Variants in RUNDC3B observed in about 807,000 individuals in gnomAD.
RUNDC3B encodes the protein RUN domain-containing protein 3B.
Under a neutral mutation model 58.4 loss-of-function variants are expected in RUNDC3B, and 33 were observed. That is an observed-to-expected ratio of 0.56 (90% CI 0.43 to 0.75). The LOEUF (loss-of-function observed/expected upper bound fraction) is 0.75, where lower values mean the gene tolerates loss of function less well. RUNDC3B is among the 30% of genes least tolerant of loss of function. The pLI, the probability that RUNDC3B is intolerant of heterozygous loss-of-function variation, is 0.00. For synonymous variants in RUNDC3B, 193 were observed against 195.2 expected (o/e 0.99, Z 0.10); for missense variants, 501 against 535.7 (o/e 0.94, Z 0.64).
intron 8 of RUNDC3B, among the ~76,000 whole-genome samples, chr7:87,787,628 G>T (rs1835292496): frequency 6.6e-6 from 1 of 152,076 alleles, no homozygotes. Context: ...TTCTAAAGCT[G>T]TCTTGAAAAT....
intron 8 of RUNDC3B, among the ~76,000 whole-genome samples, chr7:87,802,087 T>G (rs927951247): frequency 6.6e-6 from 1 of 152,224 alleles, no homozygotes; most frequent in African/African-American, 2.4e-5. Flanking sequence ...TATTGCTCTG[T>G]ACTTAGTCAA....
intron 8 of RUNDC3B, among the ~76,000 whole-genome samples, chr7:87,789,266 G>A (rs1225800699): frequency 2.0e-5 from 3 of 152,172 alleles, no homozygotes; most frequent in Non-Finnish European, 2.9e-5. Flanking sequence ...AAAGATTATG[G>A]CAACAGTAAC....
chr7:87,725,611 T>G (rs1346048967), intron 4 of RUNDC3B, among the ~76,000 whole-genome samples: 1 of 152,226 alleles, frequency 6.6e-6, no homozygotes, highest in East Asian at 1.9e-4. Flanking sequence ...TACCCAGTAA[T>G]GGGATGGCTG....
intron 6 of RUNDC3B, among the ~76,000 whole-genome samples, chr7:87,764,998 G>C (rs1476918338): frequency 6.6e-6 from 1 of 151,600 alleles, no homozygotes; most frequent in East Asian, 1.9e-4. Context: ...TTATTGGTCT[G>C]TTCAGGATTT....
At chr7:87,723,139 A>G (rs1310383680) in intron 4 of RUNDC3B, among the ~76,000 whole-genome samples, 2 of 152,232 alleles carry the variant, frequency 1.3e-5, no homozygotes, top group African/African-American at 4.8e-5. Context: ...TCAGCTAAAC[A>G]GTAAAATTAA....
chr7:87,797,530 G>T (rs1240401145), intron 8 of RUNDC3B, among the ~76,000 whole-genome samples: 1 of 152,192 alleles, frequency 6.6e-6, no homozygotes, highest in African/African-American at 2.4e-5. Flanking sequence ...GTTCCTGTCA[G>T]CCTTTCACTT....
intron 3 of RUNDC3B, among the ~76,000 whole-genome samples, chr7:87,703,896 T>TGG: frequency 1.8e-5 from 2 of 111,980 alleles, no homozygotes; most frequent in Non-Finnish European, 3.8e-5. Context: ...TTTTTTTTTT[T>TGG]TTTTTTTTTT....
intron 2 of RUNDC3B, among the ~76,000 whole-genome samples, chr7:87,656,244 T>C (rs1438508274): frequency 6.6e-6 from 1 of 151,992 alleles, no homozygotes; most frequent in Non-Finnish European, 1.5e-5. Flanking sequence ...CAATTTGTAT[T>C]TGTCAATTTA....
chr7:87,780,970 T>G (rs893173793), intron 8 of RUNDC3B, among the ~76,000 whole-genome samples: 6 of 152,064 alleles, frequency 3.9e-5, no homozygotes, highest in African/African-American at 1.2e-4. Flanking sequence ...GCTATTTTGG[T>G]TCCATATTAA....
intron 2 of RUNDC3B, among the ~76,000 whole-genome samples, chr7:87,695,405 G>A (rs1376114962): frequency 1.3e-5 from 2 of 152,036 alleles, no homozygotes; most frequent in African/African-American, 4.8e-5. Flanking sequence ...ACTTGGGATT[G>A]CTGCTACAAA....
At chr7:87,810,453 G>C (rs1384301691) in intron 9 of RUNDC3B, among the ~76,000 whole-genome samples, 5 of 152,154 alleles carry the variant, frequency 3.3e-5, no homozygotes, top group African/African-American at 9.7e-5. Context: ...AAAATCTCCT[G>C]AATTAGGCTT....
chr7:87,709,273 A>T (rs761364947), intron 3 of RUNDC3B: 124 of 985,246 alleles, frequency 1.3e-4, no homozygotes, highest in Non-Finnish European at 1.3e-4. Flanking sequence ...TCTGGAGAGC[A>T]ACTTTCTTGA....
Position 87,830,265 on chromosome 7 carries a change from TTA to T in RUNDC3B, c.*236_*237del. 3.3e-6 allele frequency: 1 copy of T among 306,036 alleles called. No homozygotes were observed. The allele number at this position is 306,036 out of a possible 1,614,324, so 19.0% of individuals were successfully genotyped here. A position where few individuals can be genotyped will look rare whatever the true frequency, so the allele number is the denominator to read the frequency against. The stretch of plus-strand genomic sequence containing the variant: ...GAGAAAGTTCAAAATGGAATAGGCT[TTA>T]AAAAAAAAAAAACTTTCAAAGATCC... On this transcript the variant is annotated 3_prime_UTR_variant, in exon 11 of 11. Coordinates refer to ENST00000394654, the MANE Select transcript of RUNDC3B (RefSeq NM_001134405.2).
chr7:87,687,243 A>G (rs1000925131), intron 2 of RUNDC3B, among the ~76,000 whole-genome samples: 1 of 152,020 alleles, frequency 6.6e-6, no homozygotes, highest in Admixed American at 6.6e-5. Flanking sequence ...TTTCTTGACT[A>G]TATCAGGCAC....
chr7:87,743,045 C>T (rs934052503), intron 6 of RUNDC3B, among the ~76,000 whole-genome samples: 5 of 150,588 alleles, frequency 3.3e-5, no homozygotes, highest in African/African-American at 1.2e-4. Flanking sequence ...ACCTGGGAGG[C>T]GGAGGTTGCA....
chr7:87,827,657 T>C (rs1837890854), intron 10 of RUNDC3B, among the ~76,000 whole-genome samples: 1 of 152,118 alleles, frequency 6.6e-6, no homozygotes, highest in African/African-American at 2.4e-5. Context: ...TCCCCCTTTA[T>C]ATAAGGAAAC....
intron 8 of RUNDC3B, among the ~76,000 whole-genome samples, chr7:87,801,845 T>C (rs1395665715): frequency 1.3e-5 from 2 of 152,196 alleles, no homozygotes; most frequent in Non-Finnish European, 2.9e-5. Flanking sequence ...CTCAAAGTCA[T>C]GTGATAAATC....
intron 3 of RUNDC3B, 29 bp downstream of exon 3, chr7:87,700,583 A>ATT: frequency 3.4e-6 from 5 of 1,452,630 alleles, no homozygotes; most frequent in East Asian, 2.5e-5. Context: ...ACTCGTTTCT[A>ATT]TTTTTTTTTT....
chr7:87,795,501 G>A (rs2130913779), intron 8 of RUNDC3B, among the ~76,000 whole-genome samples: 1 of 152,312 alleles, frequency 6.6e-6, no homozygotes, highest in Non-Finnish European at 1.5e-5. Context: ...AAGATGTGGA[G>A]TAAACTAAAC....
Sources: gnomAD v4.1 joint callset for allele counts (sites outside exome capture counted in the v4.1 genomes callset) on GRCh38, gnomAD v4.1.1 for gene constraint, MANE v1.5 for transcripts, NCBI Gene and HGNC (gene_info 2026-07-23, HGNC 2026-07-21) for gene names.